Variants in ANTXRL observed in about 807,000 individuals in gnomAD.
ANTXRL encodes the protein anthrax toxin receptor-like.
A neutral mutation model predicts 75.4 loss-of-function variants in ANTXRL; 63 were observed. The observed-to-expected ratio is 0.84, with a 90% CI of 0.68 to 1.03. The LOEUF is 1.03. Ranked by LOEUF, ANTXRL falls within the 50% of genes least tolerant of loss-of-function variation. ANTXRL has a pLI of 0.00. For synonymous variants in ANTXRL, 335 were observed against 291.3 expected, an observed-to-expected ratio of 1.15 and a Z score of -1.53; for missense variants, 797 against 789.4, an observed-to-expected ratio of 1.01 and a Z score of -0.12.
chr10:46,289,401 C>T (rs1191816493), intron 1 of ANTXRL, among the ~76,000 whole-genome samples: 1 of 152,154 alleles, frequency 6.6e-6, no homozygotes, highest in Non-Finnish European at 1.5e-5. Flanking sequence ...TCACCACCAT[C>T]CATCTCCAGA....
At chr10:46,316,407 C>T (rs2999404) in intron 16 of ANTXRL, among the ~76,000 whole-genome samples, 12 of 152,038 alleles carry the variant, frequency 7.9e-5, no homozygotes, top group South Asian at 4.2e-4. Context: ...TTAGGTAACC[C>T]ACCCAGGGTC....
intron 2 of ANTXRL, among the ~76,000 whole-genome samples, chr10:46,293,395 TGTGTGA>T (rs151097784): frequency 0.036 from 5,217 of 146,836 alleles, 98 homozygotes; most frequent in Admixed American, 0.054. Flanking sequence ...TGTGCCTGTG[TGTGTGA>T]GTGTGTGCCT....
intron 1 of ANTXRL, among the ~76,000 whole-genome samples, chr10:46,288,856 T>G (rs1836864601): frequency 6.6e-6 from 1 of 152,054 alleles, no homozygotes; most frequent in Admixed American, 6.5e-5. Flanking sequence ...AGGGAGTGCC[T>G]AGAGTGGATG....
chr10:46,296,427 T>G (rs1475055291), intron 5 of ANTXRL, among the ~76,000 whole-genome samples, 175 bp downstream of exon 5: 1 of 152,264 alleles, frequency 6.6e-6, no homozygotes, highest in South Asian at 2.1e-4. Context: ...TAGTAAGCCC[T>G]CACCCCATGG....
intron 2 of ANTXRL, chr10:46,293,111 C>G (rs1465227191): frequency 2.0e-5 from 3 of 152,026 alleles, no homozygotes; most frequent in Non-Finnish European, 4.4e-5. Flanking sequence ...GTATGTGTGT[C>G]TGTGTGTGTG....
intron 1 of ANTXRL, among the ~76,000 whole-genome samples, chr10:46,288,097 C>T (rs1363310224): frequency 2.0e-5 from 3 of 152,206 alleles, no homozygotes; most frequent in South Asian, 4.1e-4. Context: ...AGCTGGGCTA[C>T]GTATTAGGCA....
chr10:46,301,175 C>T (rs782385490), intron 9 of ANTXRL, among the ~76,000 whole-genome samples: 1 of 152,236 alleles, frequency 6.6e-6, no homozygotes, highest in Non-Finnish European at 1.5e-5. Context: ...CCCAGTTGCT[C>T]CCTCCCGGGC....
Position 46,293,564 on chromosome 10 carries a change from C to T in ANTXRL, c.321-265C>T, listed in dbSNP as rs532692637. On this transcript the variant is annotated intron_variant, in intron 2 of 16. Transcript: ENST00000620264. ...GTGTGCATATGTGTGTGAGTGTGTG[C>T]CTGTGTGTGCGCGTGTGTGTGTGCA... Among the ~76,000 whole-genome samples, 2 of 144,682 alleles carry T rather than the reference C, an allele frequency of 1.4e-5. 1 individual carries two copies. The highest frequency in any genetic ancestry group is 4.1e-4 in the East Asian group (2 of 4,842). 94.9% of individuals were successfully genotyped at this position (144,682 alleles called of 152,430 possible).
At chr10:46,312,940 A>C (rs1838512619) in intron 15 of ANTXRL, among the ~76,000 whole-genome samples, 1 of 152,010 alleles carries the variant, frequency 6.6e-6, no homozygotes, top group African/African-American at 2.4e-5. Flanking sequence ...CCCCTTCAGG[A>C]CCTCTGCTCA....
chr10:46,297,551 A>C (rs3013800), intron 7 of ANTXRL, 77 bp downstream of exon 7: 1 of 1,447,592 alleles, frequency 6.9e-7, no homozygotes, highest in Non-Finnish European at 9.3e-7. Flanking sequence ...GGGCCACCCC[A>C]AGGACGGTTG....
intron 9 of ANTXRL, among the ~76,000 whole-genome samples, chr10:46,300,887 T>C (rs1274733881): frequency 2.6e-5 from 4 of 152,182 alleles, no homozygotes; most frequent in Non-Finnish European, 5.9e-5. Flanking sequence ...TTTTCAAACC[T>C]GTAGGTGAGT....
At chr10:46,296,370 T>C in intron 5 of ANTXRL, 118 bp downstream of exon 5, 1 of 1,146,930 alleles carries the variant, frequency 8.7e-7, no homozygotes. Flanking sequence ...TTGGAGCAAG[T>C]TGCTCACCTG....
intron 16 of ANTXRL, among the ~76,000 whole-genome samples, chr10:46,314,204 C>T (rs530232903): frequency 1.3e-5 from 2 of 152,240 alleles, no homozygotes; most frequent in East Asian, 1.9e-4. Flanking sequence ...AGAAATGGGC[C>T]GGGAGCCCCT....
At chr10:46,318,599 C>T (rs146949260) in intron 16 of ANTXRL, among the ~76,000 whole-genome samples, 1,105 of 152,066 alleles carry the variant, frequency 7.3e-3, no homozygotes, top group Middle Eastern at 0.01. Context: ...AAACATTAAG[C>T]TCCAAAAATT....
chr10:46,329,833 G>C lies in ANTXRL; in HGVS notation c.1645G>C (p.Ala549Pro), dbSNP rs782523386. The change falls in exon 17 of 17, where the codon GCT becomes CCT. Residue 549 changes from alanine (A) to proline (P), a missense_variant. This residue lies in a region of ANTXRL where 479 missense variants were observed against 422.0 expected (regional missense o/e 1.14). Transcript: ENST00000620264. ...CAGGGAGTGCCTTGCCCGCAAACAGGCTCCCTGCAGCCCAAGGATCTGCCT... is the reference window on the plus strand; with the variant it reads ...CAGGGAGTGCCTTGCCCGCAAACAGCCTCCCTGCAGCCCAAGGATCTGCCT... ...HSRECLARKQ[A>P]PCSPRICLRH... 10 of 1,534,988 alleles carry C rather than the reference G, an allele frequency of 6.5e-6. No individual in the cohort carries two copies. In the South Asian group the frequency reaches 9.5e-5, roughly 15 times the overall value.
Position 46,329,767 on chromosome 10 carries a change from C to G in ANTXRL, c.1579C>G (p.Arg527Gly). The G allele has an allele frequency of 2.6e-6, 4 of 1,534,134 alleles. No individual in the cohort carries two copies. Among genetic ancestry groups the G allele is most frequent in the Non-Finnish European group, 2.6e-6 (3 of 1,146,450 alleles). ...GGAGTGCCTCGCCCTCAAACAGGCT[C>G]GCTGCAGCCCAAACATCTGCCTGAG... ...SRECLALKQARCSPNICLRHS... is the reference protein window; with the variant it reads ...SRECLALKQAGCSPNICLRHS... Residue 527 changes from arginine to glycine, a missense_variant, in exon 17 of 17, where the codon CGC becomes GGC. By Grantham distance (125) the Arg-to-Gly change is moderately radical (BLOSUM62 -2). This residue lies in a region of ANTXRL where 479 missense variants were observed against 422.0 expected (regional missense o/e 1.14). Coordinates refer to ENST00000620264, the MANE Select transcript of ANTXRL (RefSeq NM_001278688.3).
chr10:46,307,920 G>A (rs1302727223), intron 12 of ANTXRL, among the ~76,000 whole-genome samples: 9 of 151,938 alleles, frequency 5.9e-5, no homozygotes, highest in African/African-American at 1.9e-4. Flanking sequence ...CTGCTCCCTC[G>A]CCAAGCCCTG....
rs201339323 is a variant in ANTXRL at position 46,293,298 on chromosome 10, CTGTG to C, written c.321-522_321-519del. ...TGTGTGAGAGTGTGTGCGTGTGTGC[CTGTG>C]TGTGTGTGCGTGTGTGCCTGTGTGT... On this transcript the variant is annotated intron_variant, in intron 2 of 16. Coordinates refer to ENST00000620264, the MANE Select transcript of ANTXRL (RefSeq NM_001278688.3). Among the ~76,000 whole-genome samples, 413 of 41,250 alleles carry C rather than the reference CTGTG, an allele frequency of 0.01. 15 individuals carry two copies. The East Asian group carries it at 0.13, about 13-fold the overall frequency. The allele number at this position is 41,250 out of a possible 152,430, so 27.1% of individuals were successfully genotyped here.
intron 2 of ANTXRL, 72 bp downstream of exon 2, chr10:46,292,201 C>CA: frequency 7.0e-7 from 1 of 1,433,354 alleles, no homozygotes; most frequent in East Asian, 2.5e-5. Context: ...GCAGAGGGCA[C>CA]ATCCCATCAG....
Sources: allele counts gnomAD v4.1 joint callset (sites outside exome capture counted in the v4.1 genomes callset), GRCh38; gene constraint gnomAD v4.1.1; regional missense constraint gnomAD v4.1.1; transcripts MANE v1.5; gene names NCBI Gene and HGNC (gene_info 2026-07-23, HGNC 2026-07-21).